SLC24A3: variants seen among roughly 807,000 people sequenced by gnomAD.
SLC24A3 encodes sodium/potassium/calcium exchanger 3.
SLC24A3 carries 28 observed loss-of-function variants against 75.8 expected under a neutral mutation model. The ratio of observed to expected loss-of-function variants is 0.37; its 90% CI spans 0.27 to 0.51. The LOEUF is 0.51. Ranked by LOEUF, SLC24A3 falls within the 20% of genes least tolerant of loss-of-function variation. SLC24A3 has a pLI of 0.94. For synonymous variants in SLC24A3, 372 were observed against 334.1 expected, an observed-to-expected ratio of 1.11 and a Z score of -1.24; for missense variants, 663 against 847.8, an observed-to-expected ratio of 0.78 and a Z score of 2.71.
intron 6 of SLC24A3, among the ~76,000 whole-genome samples, chr20:19,632,602 A>G (rs1233467318): frequency 2.0e-5 from 3 of 152,184 alleles, no homozygotes; most frequent in African/African-American, 4.8e-5. Context: ...GCAAAGTCTC[A>G]CTTACAATGT....
intron 6 of SLC24A3, among the ~76,000 whole-genome samples, chr20:19,602,759 C>A (rs1189562976): frequency 6.6e-6 from 1 of 152,164 alleles, no homozygotes; most frequent in African/African-American, 2.4e-5. Flanking sequence ...ATGGCTCTGT[C>A]CAGAGGAGGC....
intron 2 of SLC24A3, among the ~76,000 whole-genome samples, chr20:19,421,441 GAA>G (rs1986916488): frequency 6.6e-6 from 1 of 151,690 alleles, no homozygotes; most frequent in Non-Finnish European, 1.5e-5. Flanking sequence ...AACACATGAA[GAA>G]ATGCTCATCA....
chr20:19,513,738 GAAAA>G (rs11286635), intron 2 of SLC24A3, among the ~76,000 whole-genome samples: 2 of 141,740 alleles, frequency 1.4e-5, no homozygotes, highest in Non-Finnish European at 3.1e-5. Context: ...TTTTTTTTTA[GAAAA>G]AAAAAAAAAG....
chr20:19,643,214 G>A (rs1270286399), intron 6 of SLC24A3, among the ~76,000 whole-genome samples: 3 of 152,178 alleles, frequency 2.0e-5, no homozygotes, highest in East Asian at 3.8e-4. Context: ...CACCAAATAT[G>A]CAGAAGGGTT....
chr20:19,537,297 C>A (rs1269055528), intron 3 of SLC24A3, among the ~76,000 whole-genome samples: 2 of 152,196 alleles, frequency 1.3e-5, no homozygotes, highest in Admixed American at 6.5e-5. Flanking sequence ...CACCGGCCAT[C>A]AGAGAAATGC....
At chr20:19,435,723 T>A (rs1438502361) in intron 2 of SLC24A3, among the ~76,000 whole-genome samples, 5 of 152,180 alleles carry the variant, frequency 3.3e-5, no homozygotes, top group African/African-American at 1.2e-4. Context: ...GTCTGTCTAG[T>A]GAGAGTCTGT....
At chr20:19,608,567 G>T (rs996819743) in intron 6 of SLC24A3, among the ~76,000 whole-genome samples, 2 of 152,300 alleles carry the variant, frequency 1.3e-5, no homozygotes, top group Non-Finnish European at 2.9e-5. Flanking sequence ...AGCAATACTT[G>T]CTCCATTTTT....
intron 2 of SLC24A3, among the ~76,000 whole-genome samples, chr20:19,422,595 A>G (rs1490844989): frequency 6.6e-6 from 1 of 152,206 alleles, no homozygotes; most frequent in Non-Finnish European, 1.5e-5. Flanking sequence ...GGTCACCTGG[A>G]GAACTTTAAA....
chr20:19,542,756 A>G (rs1370406468), intron 3 of SLC24A3, among the ~76,000 whole-genome samples: 1 of 152,214 alleles, frequency 6.6e-6, no homozygotes, highest in African/African-American at 2.4e-5. Context: ...AAGGGATCGG[A>G]GAGCCCCTCT....
At chr20:19,245,477 T>C (rs1225361648) in intron 1 of SLC24A3, among the ~76,000 whole-genome samples, 7 of 152,048 alleles carry the variant, frequency 4.6e-5, no homozygotes, top group Non-Finnish European at 8.8e-5. Context: ...TAAGTCCCTG[T>C]ATTTTTGAAG....
chr20:19,262,970 C>T (rs960314106), intron 1 of SLC24A3, among the ~76,000 whole-genome samples: 1 of 151,586 alleles, frequency 6.6e-6, no homozygotes, highest in African/African-American at 2.4e-5. Context: ...GTATGGGATT[C>T]CAGAAGAGAC....
At chr20:19,719,954 G>A (rs563384042) in intron 16 of SLC24A3, among the ~76,000 whole-genome samples, 20 of 152,210 alleles carry the variant, frequency 1.3e-4, no homozygotes, top group South Asian at 6.2e-4. Flanking sequence ...TATCAATGAG[G>A]TGTGGGCTAT....
chr20:19,720,416 G>T (rs1183940381), intron 16 of SLC24A3, among the ~76,000 whole-genome samples: 1 of 152,212 alleles, frequency 6.6e-6, no homozygotes, highest in African/African-American at 2.4e-5. Flanking sequence ...AGTGGCCGGG[G>T]TTACATCGTT....
At position 19,469,930 on chromosome 20, in the gene SLC24A3, G is replaced by A. The variant is rs1439231608; in HGVS notation, c.272-45558G>A. On this transcript the variant is annotated intron_variant, in intron 2 of 16. Coordinates refer to ENST00000328041, the MANE Select transcript of SLC24A3 (RefSeq NM_020689.4). ...ATTCCCATGCAAGGGTGACACCCAT[G>A]TTCATACTAAGGTAGGGAGTCTGCC... 3.3e-5 allele frequency among the ~76,000 whole-genome samples: 5 copies of A among 152,320 alleles called. No individual in the cohort carries two copies. The South Asian group carries it at 8.3e-4, about 25-fold the overall frequency.
intron 2 of SLC24A3, among the ~76,000 whole-genome samples, chr20:19,475,995 C>A (rs1437751813): frequency 6.6e-6 from 1 of 152,206 alleles, no homozygotes; most frequent in African/African-American, 2.4e-5. Context: ...TTGGCCAAAT[C>A]AGACAGAAGG....
intron 6 of SLC24A3, among the ~76,000 whole-genome samples, chr20:19,595,810 T>C (rs1000246327): frequency 2.0e-5 from 3 of 152,024 alleles, no homozygotes; most frequent in African/African-American, 7.2e-5. Context: ...TGGTGAACAG[T>C]GGAGAAGGTG....
chr20:19,551,639 T>C (rs772570472), intron 3 of SLC24A3, among the ~76,000 whole-genome samples: 3 of 151,034 alleles, frequency 2.0e-5, no homozygotes, highest in Non-Finnish European at 2.9e-5. Flanking sequence ...AGACCTCATA[T>C]TGCCCTGTGT....
At chr20:19,366,737 T>C (rs1361775393) in intron 2 of SLC24A3, among the ~76,000 whole-genome samples, 1 of 152,028 alleles carries the variant, frequency 6.6e-6, no homozygotes, top group African/African-American at 2.4e-5. Context: ...GGCTGACAAT[T>C]GGGCCCCATA....
chr20:19,250,931 A>G (rs1466351797), intron 1 of SLC24A3, among the ~76,000 whole-genome samples: 3 of 152,318 alleles, frequency 2.0e-5, no homozygotes, highest in South Asian at 4.2e-4. Context: ...GATGCCCAAG[A>G]TCTTACTTCT....
Sources: gnomAD v4.1 joint callset for allele counts (sites outside exome capture counted in the v4.1 genomes callset) on GRCh38, gnomAD v4.1.1 for gene constraint, MANE v1.5 for transcripts, NCBI Gene and HGNC (gene_info 2026-07-23, HGNC 2026-07-21) for gene names.